Variants in ZBTB46 observed in about 807,000 individuals in gnomAD.
ZBTB46 encodes the protein zinc finger and BTB domain containing 46.
In ZBTB46, 8 loss-of-function variants were observed where a neutral mutation model predicts 44.1. That is an observed-to-expected ratio of 0.18 (90% CI 0.11 to 0.33). The LOEUF (loss-of-function observed/expected upper bound fraction) is 0.33, where lower values mean the gene tolerates loss of function less well. Ranked by LOEUF, ZBTB46 falls within the 10% of genes least tolerant of loss-of-function variation. The pLI, the probability that ZBTB46 is intolerant of heterozygous loss-of-function variation, is 1.00. For synonymous variants in ZBTB46, 409 were observed against 382.3 expected, an observed-to-expected ratio of 1.07 and a Z score of -0.81; for missense variants, 651 against 847.7, an observed-to-expected ratio of 0.77 and a Z score of 2.88.
chr20:63,832,565 C>T (rs117476150), upstream of ZBTB46, among the ~76,000 whole-genome samples: 586 of 152,308 alleles, frequency 3.8e-3, 6 homozygotes, highest in East Asian at 0.02. This position sits in a 1 kb window ranked among gnomAD's most constrained non-coding sequence, Gnocchi z 5.0. Context: ...TGAGCAAAGG[C>T]GAAGCGAGGT....
At chr20:63,829,219 G>A (rs1170120067) in intron 1 of ZBTB46, among the ~76,000 whole-genome samples, 2 of 152,152 alleles carry the variant, frequency 1.3e-5, no homozygotes, top group Admixed American at 1.3e-4. Flanking sequence ...GGGCCCTTAG[G>A]TAACAGTCCA....
chr20:63,811,147 C>A (rs6011148), intron 1 of ZBTB46, among the ~76,000 whole-genome samples: 26,863 of 151,440 alleles, frequency 0.18, 2,839 homozygotes, highest in East Asian at 0.44. Context: ...AGAGGCGAGT[C>A]TGGGTCCCAG....
chr20:63,749,368 G>A (rs911234974), intron 4 of ZBTB46, among the ~76,000 whole-genome samples: 3 of 152,056 alleles, frequency 2.0e-5, no homozygotes, highest in South Asian at 4.2e-4. Context: ...ACAGAGTCTC[G>A]CTCTGTCACC....
intron 1 of ZBTB46, among the ~76,000 whole-genome samples, chr20:63,793,399 G>A (rs997042459): frequency 1.3e-5 from 2 of 152,120 alleles, no homozygotes; most frequent in African/African-American, 4.8e-5. Context: ...ACTAGGCATC[G>A]GGGAAGTGAC....
At chr20:63,809,316 C>T (rs904162581) in intron 1 of ZBTB46, among the ~76,000 whole-genome samples, 1 of 152,228 alleles carries the variant, frequency 6.6e-6, no homozygotes, top group Non-Finnish European at 1.5e-5. Context: ...GGAATGGGGT[C>T]CTGGGGTTCG....
At chr20:63,792,424 C>T (rs1195223348) in intron 1 of ZBTB46, among the ~76,000 whole-genome samples, 6 of 49,930 alleles carry the variant, frequency 1.2e-4, no homozygotes, top group Middle Eastern at 0.011. Flanking sequence ...TCATGGGGGA[C>T]GGGGTCGGGG....
At chr20:63,800,155 A>G (rs2092632521) in intron 1 of ZBTB46, among the ~76,000 whole-genome samples, 1 of 152,170 alleles carries the variant, frequency 6.6e-6, no homozygotes, top group South Asian at 2.1e-4. Flanking sequence ...ACCCTGGGGC[A>G]CCTCCCTGCT....
chr20:63,771,727 G>A (rs994669878), intron 3 of ZBTB46, among the ~76,000 whole-genome samples: 3 of 152,220 alleles, frequency 2.0e-5, no homozygotes, highest in South Asian at 2.1e-4. Flanking sequence ...ACCACCTGTC[G>A]GGGACAGAAG....
rs1333206793 is a variant in ZBTB46 at position 63,809,079 on chromosome 20, G to A, written c.-33-18289C>T. On this transcript the variant is annotated intron_variant, in intron 1 of 4. Coordinates refer to ENST00000245663, the MANE Select transcript of ZBTB46 (RefSeq NM_001369741.1). ...GGAGCTGGCGGCTCGGTGCTCCGGTGCTGCAGAGGCACTCAAGGGGCTCTC... is the reference window on the plus strand; with the variant it reads ...GGAGCTGGCGGCTCGGTGCTCCGGTACTGCAGAGGCACTCAAGGGGCTCTC... 2.6e-5 allele frequency among the ~76,000 whole-genome samples: 4 copies of A among 151,374 alleles called. No individual in the cohort carries two copies. In the South Asian group the frequency reaches 8.3e-4, roughly 32 times the overall value.
intron 1 of ZBTB46, among the ~76,000 whole-genome samples, chr20:63,801,551 C>G (rs1320559770): frequency 2.6e-5 from 4 of 152,162 alleles, no homozygotes; most frequent in African/African-American, 7.2e-5. Flanking sequence ...AAGTGTTGTT[C>G]TTTTGCTCTT....
Position 63,789,955 on chromosome 20 carries a change from C to T in ZBTB46, c.803G>A (p.Gly268Asp). 1 of 1,614,158 alleles carries T rather than the reference C, an allele frequency of 6.2e-7. No individual in the cohort carries two copies. Among genetic ancestry groups the T allele is most frequent in the Non-Finnish European group, 8.5e-7 (1 of 1,180,052 alleles). The change falls in exon 2 of 5, where the codon GGC (glycine) becomes GAC (aspartate). Residue 268 changes from glycine (G) to aspartate (D), a missense_variant. Physicochemically the swap from Gly to Asp is moderately conservative, Grantham distance 94. Coordinates refer to ENST00000245663, the MANE Select transcript of ZBTB46 (RefSeq NM_001369741.1). The stretch of plus-strand genomic sequence containing the variant: ...TTTGTTTTTCCGATTCTTCCTTCGG[C>T]CCGTGGGCTGCCAGGCATCACCAGC... Reference protein sequence around the residue: ...QSAGDAWQPTGRRKNRKNKET... With the variant: ...QSAGDAWQPTDRRKNRKNKET...
chr20:63,758,756 CAG>C (rs1345279357), intron 3 of ZBTB46, among the ~76,000 whole-genome samples: 4 of 142,240 alleles, frequency 2.8e-5, no homozygotes, highest in South Asian at 2.2e-4. Flanking sequence ...TTTTTTGAGA[CAG>C]AGTCTTGCTG....
chr20:63,790,405 A>C lies in ZBTB46; in HGVS notation c.353T>G (p.Val118Gly). ...AASFLQMTDI[V>G]QACHDFIKAA... is the part of the protein sequence containing the mutation. The stretch of plus-strand genomic sequence containing the variant: ...CTTGATGAAGTCGTGGCAGGCTTGC[A>C]CGATGTCCGTCATCTGCAGGAAGCT... Residue 118 changes from valine to glycine, a missense_variant, in exon 2 of 5, where the codon GTG becomes GGG. Val to Gly is a moderately radical substitution (Grantham distance 109). Around this residue, in one of 5 missense-constraint regions of ZBTB46, gnomAD observed 385 missense variants for 423.3 expected, o/e 0.91. Coordinates refer to ENST00000245663, the MANE Select transcript of ZBTB46 (RefSeq NM_001369741.1). 1 of 1,613,018 alleles carries C rather than the reference A, an allele frequency of 6.2e-7. No homozygotes were observed. Among genetic ancestry groups the C allele is most frequent in the Non-Finnish European group, 8.5e-7 (1 of 1,179,990 alleles).
At chr20:63,824,594 C>T (rs528087242) in intron 1 of ZBTB46, among the ~76,000 whole-genome samples, 29 of 152,090 alleles carry the variant, frequency 1.9e-4, no homozygotes, top group Non-Finnish European at 3.2e-4. Flanking sequence ...CAAAATTTCA[C>T]GTGGCCAAGG....
intron 4 of ZBTB46, among the ~76,000 whole-genome samples, chr20:63,749,221 G>C (rs889825851): frequency 1.3e-5 from 2 of 152,208 alleles, no homozygotes; most frequent in African/African-American, 4.8e-5. Flanking sequence ...TGGCTTTCAG[G>C]GCCAGGGCAG....
chr20:63,813,093 T>G (rs1395120831), intron 1 of ZBTB46, among the ~76,000 whole-genome samples: 2 of 142,204 alleles, frequency 1.4e-5, no homozygotes, highest in Non-Finnish European at 3.0e-5. Flanking sequence ...AGACTCCGTC[T>G]CAAAAAAACA....
chr20:63,810,242 G>A (rs941641064), intron 1 of ZBTB46, among the ~76,000 whole-genome samples: 2 of 152,084 alleles, frequency 1.3e-5, no homozygotes, highest in Non-Finnish European at 2.9e-5. Context: ...CCAAACACTC[G>A]ACAATTCGAA....
chr20:63,801,420 C>T (rs1315391890), intron 1 of ZBTB46, among the ~76,000 whole-genome samples: 1 of 152,134 alleles, frequency 6.6e-6, no homozygotes, highest in Non-Finnish European at 1.5e-5. Context: ...CTAAAACAGA[C>T]CAATCAGCTC....
intron 1 of ZBTB46, among the ~76,000 whole-genome samples, chr20:63,807,180 C>T (rs150895397): frequency 2.6e-5 from 4 of 151,562 alleles, no homozygotes; most frequent in African/African-American, 4.9e-5. Context: ...ATGGACTTTT[C>T]TTTTGTTGGA....
Sources: gnomAD v4.1 joint callset for allele counts (sites outside exome capture counted in the v4.1 genomes callset) on GRCh38, gnomAD v4.1.1 for gene constraint, gnomAD v4.1.1 regional missense constraint, Gnocchi (gnomAD v3.1) non-coding constraint, MANE v1.5 for transcripts, NCBI Gene and HGNC (gene_info 2026-07-23, HGNC 2026-07-21) for gene names.